STK24: variants seen among roughly 807,000 people sequenced by gnomAD.
STK24 encodes serine/threonine-protein kinase 24.
In STK24, 21 loss-of-function variants were observed where a neutral mutation model predicts 55.6. That is an observed-to-expected ratio of 0.38 (90% CI 0.27 to 0.54). STK24 has a LOEUF of 0.54. Among genes scored for constraint, STK24 ranks in the 20% least tolerant of loss-of-function variants. STK24 has a pLI of 0.79. For missense variants in STK24, 383 were observed against 538.4 expected, an observed-to-expected ratio of 0.71 and a Z score of 2.86; for synonymous variants, 200 against 215.2, an observed-to-expected ratio of 0.93 and a Z score of 0.62.
chr13:98,532,580 G>A (rs1395676359), intron 1 of STK24, among the ~76,000 whole-genome samples: 2 of 152,090 alleles, frequency 1.3e-5, no homozygotes. Context: ...CTTCGTGTAC[G>A]GTGAACTAGT....
intron 10 of STK24, 62 bp downstream of exon 10, chr13:98,457,106 C>T: frequency 3.2e-6 from 5 of 1,575,592 alleles, no homozygotes; most frequent in African/African-American, 2.7e-5. Flanking sequence ...AACTCATCAA[C>T]TAAGTCCCAG....
chr13:98,457,047 C>T, intron 10 of STK24, 121 bp downstream of exon 10: 1 of 1,219,928 alleles, frequency 8.2e-7, no homozygotes, highest in Non-Finnish European at 1.1e-6. Context: ...TCTGTCTACC[C>T]TGAGGCCTGC....
chr13:98,478,385 C>T (rs1894463258), intron 3 of STK24, among the ~76,000 whole-genome samples: 1 of 152,232 alleles, frequency 6.6e-6, no homozygotes, highest in Non-Finnish European at 1.5e-5. Flanking sequence ...AGCCTGTGGT[C>T]AGGTGACTAA....
At chr13:98,575,962 A>G (rs1259690061) in intron 1 of STK24, 6 of 909,024 alleles carry the variant, frequency 6.6e-6, no homozygotes, top group African/African-American at 3.6e-5. Flanking sequence ...ACTCCCCAAA[A>G]AGTCACTGGT....
chr13:98,556,006 G>A (rs923654647), intron 1 of STK24, among the ~76,000 whole-genome samples: 130 of 152,124 alleles, frequency 8.5e-4, no homozygotes, highest in African/African-American at 3.0e-3. Flanking sequence ...TTATGTAAAT[G>A]TCTTCCTTTC....
chr13:98,537,804 C>T (rs1896777488), intron 1 of STK24, among the ~76,000 whole-genome samples: 3 of 152,064 alleles, frequency 2.0e-5, no homozygotes, highest in Non-Finnish European at 4.4e-5. Context: ...ATGAGGGATT[C>T]GATTTAAGTG....
intron 5 of STK24, among the ~76,000 whole-genome samples, chr13:98,468,459 A>G (rs1894001304): frequency 6.6e-6 from 1 of 152,228 alleles, no homozygotes; most frequent in Non-Finnish European, 1.5e-5. Context: ...CAGGGTGGGC[A>G]AGCACCCAGA....
At chr13:98,526,333 G>A (rs747481942) in intron 1 of STK24, among the ~76,000 whole-genome samples, 1 of 152,152 alleles carries the variant, frequency 6.6e-6, no homozygotes, top group Non-Finnish European at 1.5e-5. Context: ...AGCCTAATAG[G>A]AGTGGATTTA....
chr13:98,494,770 T>C (rs1485368441), intron 2 of STK24, among the ~76,000 whole-genome samples: 1 of 152,220 alleles, frequency 6.6e-6, no homozygotes, highest in East Asian at 1.9e-4. Context: ...AATAAGTTTG[T>C]TAGCCGAGAG....
intron 1 of STK24, 69 bp downstream of exon 1, chr13:98,576,676 G>A (rs1225647814): frequency 7.4e-7 from 1 of 1,349,690 alleles, no homozygotes; most frequent in Non-Finnish European, 9.9e-7. Flanking sequence ...GGGACGCCGT[G>A]TGGATACCGC....
intron 2 of STK24, among the ~76,000 whole-genome samples, chr13:98,501,652 T>C (rs1021348248): frequency 1.3e-5 from 2 of 152,124 alleles, no homozygotes; most frequent in African/African-American, 4.8e-5. Context: ...ACCTACTGTG[T>C]ACCCACAAAA....
At chr13:98,503,024 G>GTTTTGTTTTTTT (rs1555306357) in intron 2 of STK24, among the ~76,000 whole-genome samples, 3 of 107,084 alleles carry the variant, frequency 2.8e-5, no homozygotes, top group African/African-American at 1.2e-4. Flanking sequence ...CTTTCCATGT[G>GTTTTGTTTTTTT]TTTTTTTTTT....
chr13:98,495,907 A>G (rs1030972022), intron 2 of STK24, among the ~76,000 whole-genome samples: 1 of 152,218 alleles, frequency 6.6e-6, no homozygotes, highest in South Asian at 2.1e-4. Context: ...CACGGGCTCC[A>G]TGGACCATTT....
At chr13:98,518,354 CA>C (rs1165754396) in intron 2 of STK24, among the ~76,000 whole-genome samples, 16 of 152,180 alleles carry the variant, frequency 1.1e-4, no homozygotes, top group Non-Finnish European at 2.1e-4. Context: ...AGGGTAAGGC[CA>C]GGGGAGGAAG....
At chr13:98,466,702 C>T in intron 5 of STK24, 141 bp from the exon 6 acceptor site, 1 of 945,428 alleles carries the variant, frequency 1.1e-6, no homozygotes, top group Non-Finnish European at 1.5e-6. Context: ...AAAACATAAG[C>T]CCTCGCTGTA....
intron 1 of STK24, among the ~76,000 whole-genome samples, chr13:98,547,634 C>T (rs1594660298): frequency 1.3e-5 from 2 of 152,304 alleles, no homozygotes; most frequent in East Asian, 3.9e-4. Flanking sequence ...TACTGAGACA[C>T]CTCTTGTCCA....
chr13:98,557,237 ACCAGACTCAGTCT>A (rs1897307517), intron 1 of STK24, among the ~76,000 whole-genome samples: 1 of 152,220 alleles, frequency 6.6e-6, no homozygotes, highest in African/African-American at 2.4e-5. Flanking sequence ...TTAATCAGTC[ACCAGACTCAGTCT>A]CTAGCCTGAA....
At chr13:98,567,000 A>G (rs186725520) in intron 1 of STK24, among the ~76,000 whole-genome samples, 2 of 152,366 alleles carry the variant, frequency 1.3e-5, no homozygotes, top group East Asian at 3.9e-4. Flanking sequence ...GCTAAGGCTC[A>G]GTCCCAAGTT....
intron 5 of STK24, among the ~76,000 whole-genome samples, chr13:98,468,120 G>A (rs1893990272): frequency 6.6e-6 from 1 of 152,208 alleles, no homozygotes; most frequent in African/African-American, 2.4e-5. Flanking sequence ...CACTTACCAT[G>A]TTCCTGCAGC....
Sources: allele counts gnomAD v4.1 joint callset (sites outside exome capture counted in the v4.1 genomes callset), GRCh38; gene constraint gnomAD v4.1.1; transcripts MANE v1.5; gene names NCBI Gene and HGNC (gene_info 2026-07-23, HGNC 2026-07-21).